P4HA1: variants seen among roughly 807,000 people sequenced by gnomAD.
The protein encoded by P4HA1 is prolyl 4-hydroxylase subunit alpha-1.
A neutral mutation model predicts 72.8 loss-of-function variants in P4HA1; 24 were observed. The ratio of observed to expected loss-of-function variants is 0.33; its 90% CI spans 0.24 to 0.46. P4HA1 has a LOEUF of 0.46. Among genes scored for constraint, P4HA1 ranks in the 20% least tolerant of loss-of-function variants. The probability of loss-of-function intolerance (pLI) is 1.00; values close to 1 mark genes in which losing one functional copy is unlikely to be tolerated. For synonymous variants in P4HA1, 201 were observed against 218.8 expected, an observed-to-expected ratio of 0.92 and a Z score of 0.72; for missense variants, 446 against 640.6, an observed-to-expected ratio of 0.70 and a Z score of 3.28.
chr10:73,092,928 G>A (rs1483989432), intron 1 of P4HA1, among the ~76,000 whole-genome samples: 6 of 151,690 alleles, frequency 4.0e-5, no homozygotes, highest in Non-Finnish European at 8.8e-5. Flanking sequence ...AGACTAGCCT[G>A]GTCAACAGAG....
chr10:73,065,267 G>A (rs1026846843), intron 5 of P4HA1: 2 of 151,974 alleles, frequency 1.3e-5, no homozygotes, highest in African/African-American at 4.8e-5. Context: ...TGGCAGATAT[G>A]GATCTATTCA....
intron 4 of P4HA1, among the ~76,000 whole-genome samples, chr10:73,069,688 T>C (rs1841505595): frequency 6.6e-6 from 1 of 152,100 alleles, no homozygotes; most frequent in South Asian, 2.1e-4. Flanking sequence ...GAAGAATGAA[T>C]GCTAAACACT....
intron 4 of P4HA1, among the ~76,000 whole-genome samples, chr10:73,071,668 C>G (rs954753657): frequency 6.6e-6 from 1 of 151,940 alleles, no homozygotes; most frequent in African/African-American, 2.4e-5. Context: ...TAATACTTCT[C>G]TTTATAGTAA....
rs1841227863 is a variant in P4HA1, at chr10:73,058,860, CG to C, written c.464-5271del. Among the ~76,000 whole-genome samples, 4 of 150,846 alleles carry C rather than the reference CG, an allele frequency of 2.7e-5. No individual in the cohort carries two copies. In the South Asian group the frequency reaches 6.3e-4, roughly 24 times the overall value. Reference sequence around the variant, plus strand: ...TGGTGCGATGGCTCACTGCAACCTCCGTGCCCCGCCGGGTTCAAGAAATTCT... The same window carrying C: ...TGGTGCGATGGCTCACTGCAACCTCCTGCCCCGCCGGGTTCAAGAAATTCT... On this transcript the variant is annotated intron_variant, in intron 5 of 14. Coordinates refer to ENST00000394890, the MANE Select transcript of P4HA1 (RefSeq NM_001017962.3).
chr10:73,067,951 T>C (rs1203496085), intron 5 of P4HA1, among the ~76,000 whole-genome samples: 1 of 152,214 alleles, frequency 6.6e-6, no homozygotes, highest in African/African-American at 2.4e-5. Flanking sequence ...ACATATTAAG[T>C]ATTTAATATC....
chr10:73,075,421 T>A (rs989102159), intron 1 of P4HA1, among the ~76,000 whole-genome samples: 1 of 152,140 alleles, frequency 6.6e-6, no homozygotes, highest in Non-Finnish European at 1.5e-5. Context: ...GATAAAAATG[T>A]ATGTTTGTTA....
intron 1 of P4HA1, among the ~76,000 whole-genome samples, chr10:73,096,254 T>C (rs1245253822): frequency 6.6e-6 from 1 of 152,070 alleles, no homozygotes; most frequent in Non-Finnish European, 1.5e-5. Context: ...CCGGCGACTT[T>C]CGATAGGGCA....
intron 5 of P4HA1, among the ~76,000 whole-genome samples, chr10:73,058,318 C>G (rs1339116545): frequency 6.6e-6 from 1 of 152,106 alleles, no homozygotes; most frequent in East Asian, 1.9e-4. Flanking sequence ...TGATTAACCT[C>G]AGTCCCACGA....
chr10:73,036,267 A>G (rs79289347), intron 9 of P4HA1, among the ~76,000 whole-genome samples: 2 of 151,632 alleles, frequency 1.3e-5, no homozygotes, highest in African/African-American at 4.9e-5. Context: ...TAAAAAAAAA[A>G]TAACTGTCAA....
At chr10:73,043,811 T>G in intron 9 of P4HA1, 48 of 1,080,914 alleles carry the variant, frequency 4.4e-5, no homozygotes, top group Non-Finnish European at 6.0e-5. Flanking sequence ...AACTATATCA[T>G]GAGTTTTCAG....
intron 1 of P4HA1, among the ~76,000 whole-genome samples, chr10:73,089,261 T>C (rs78386415): frequency 0.029 from 4,366 of 152,328 alleles, 91 homozygotes; most frequent in Non-Finnish European, 0.046. Context: ...TATTAGTATA[T>C]AGAAATACAA....
chr10:73,046,232 T>A (rs1454867917), intron 8 of P4HA1, among the ~76,000 whole-genome samples: 1 of 152,184 alleles, frequency 6.6e-6, no homozygotes, highest in Admixed American at 6.5e-5. Flanking sequence ...CTAGAATTTA[T>A]TCAACAATCT....
At chr10:73,024,651 T>TGAAA (rs1415331578) in intron 10 of P4HA1, among the ~76,000 whole-genome samples, 11 of 151,900 alleles carry the variant, frequency 7.2e-5, no homozygotes, top group Non-Finnish European at 1.3e-4. Context: ...AAAGCAGAAC[T>TGAAA]GAAAGAGATA....
At chr10:73,089,475 TAAGAG>T (rs1180199534) in intron 1 of P4HA1, among the ~76,000 whole-genome samples, 1 of 152,094 alleles carries the variant, frequency 6.6e-6, no homozygotes, top group Non-Finnish European at 1.5e-5. Context: ...GGCATTAATA[TAAGAG>T]AAAAGAAAGC....
intron 10 of P4HA1, among the ~76,000 whole-genome samples, chr10:73,018,195 A>C (rs1438261040): frequency 1.3e-5 from 2 of 152,054 alleles, no homozygotes; most frequent in Admixed American, 1.3e-4. Context: ...AGAAAATAGT[A>C]CTTTGGCAGA....
chr10:73,037,499 T>C (rs1840604339), intron 9 of P4HA1, among the ~76,000 whole-genome samples: 1 of 126,462 alleles, frequency 7.9e-6, no homozygotes, highest in Non-Finnish European at 1.6e-5. Flanking sequence ...CATAAGAATA[T>C]TCTATGATTA....
intron 10 of P4HA1, among the ~76,000 whole-genome samples, chr10:73,028,307 AACACACACACACAC>A (rs10561551): frequency 3.6e-3 from 512 of 143,756 alleles, no homozygotes; most frequent in African/African-American, 0.012. Flanking sequence ...GTCACTGTAA[AACACACACACACAC>A]ACACACACAC....
intron 10 of P4HA1, 29 bp from the exon 11 acceptor site, chr10:73,016,928 AAAG>A: frequency 1.3e-6 from 2 of 1,559,208 alleles, no homozygotes; most frequent in Non-Finnish European, 1.8e-6. Context: ...GCATGAAAGA[AAAG>A]AACTATAAAG....
intron 9 of P4HA1, among the ~76,000 whole-genome samples, chr10:73,031,238 C>T (rs1840425988): frequency 6.6e-6 from 1 of 152,174 alleles, no homozygotes; most frequent in Non-Finnish European, 1.5e-5. Flanking sequence ...AATCCCAGCA[C>T]TTTGGGAGGC....
Sources: allele counts gnomAD v4.1 joint callset (sites outside exome capture counted in the v4.1 genomes callset), GRCh38; gene constraint gnomAD v4.1.1; transcripts MANE v1.5; gene names NCBI Gene and HGNC (gene_info 2026-07-23, HGNC 2026-07-21).